The following KIAA1191 variants were observed in gnomAD, a reference collection of about 807,000 sequenced individuals.
KIAA1191 encodes the protein putative monooxygenase p33MONOX.
KIAA1191 carries 22 observed loss-of-function variants against 31.1 expected under a neutral mutation model. That is an observed-to-expected ratio of 0.71 (90% confidence interval 0.51 to 1.01). The LOEUF (loss-of-function observed/expected upper bound fraction) is 1.01. Among genes scored for constraint, KIAA1191 ranks in the 50% least tolerant of loss-of-function variants. KIAA1191 has a pLI of 0.00. For missense variants in KIAA1191, 319 were observed against 388.0 expected (o/e 0.82, Z 1.49); for synonymous variants, 130 against 143.9 (o/e 0.90, Z 0.69).
rs35401718 is a variant in KIAA1191, at chr5:176,348,312, C to A, written c.504G>T (p.Gln168His). Residue 168 changes from glutamine to histidine, a missense_variant, in exon 7 of 9, where the codon CAG becomes CAT. Coordinates refer to ENST00000298569, the MANE Select transcript of KIAA1191 (RefSeq NM_020444.5). ...TTGGGGTGGACTGGGCTGATGCAGG[C>A]TGCCTCTCTTCTTTTGTTACCTCTC... is the stretch of plus-strand genomic sequence containing the variant. ...QSGEVTKEER[Q>H]PASAQSTPST... The A allele has an allele frequency of 1.1e-5, 17 of 1,613,656 alleles. No individual in the cohort carries two copies. The highest frequency in any genetic ancestry group is 1.4e-5 in the Non-Finnish European group (17 of 1,179,982).
chr5:176,360,291 G>C (rs904395780), intron 1 of KIAA1191, among the ~76,000 whole-genome samples: 5 of 151,574 alleles, frequency 3.3e-5, no homozygotes, highest in African/African-American at 1.2e-4. Context: ...CAAGTAGCTG[G>C]GACTACAGGC....
chr5:176,359,311 T>TC (rs1236545951), intron 3 of KIAA1191, among the ~76,000 whole-genome samples, 170 bp downstream of exon 3: 3 of 151,966 alleles, frequency 2.0e-5, no homozygotes, highest in Non-Finnish European at 4.4e-5. Context: ...AGAGCAAGAC[T>TC]CCATCTCAAA....
At chr5:176,350,303 T>C (rs2113466151) in intron 6 of KIAA1191, among the ~76,000 whole-genome samples, 1 of 152,374 alleles carries the variant, frequency 6.6e-6, no homozygotes, top group Middle Eastern at 3.4e-3. Flanking sequence ...ACTTGTTCCT[T>C]TCCAGTTAAG....
intron 7 of KIAA1191, 64 bp from the exon 8 acceptor site, chr5:176,348,127 C>A: frequency 4.4e-6 from 7 of 1,603,464 alleles, no homozygotes; most frequent in Non-Finnish European, 6.0e-6. Context: ...AAATGTCTCA[C>A]ACCAAAAGAA....
intron 6 of KIAA1191, among the ~76,000 whole-genome samples, chr5:176,348,777 G>A (rs116783519): frequency 1.7e-4 from 26 of 152,040 alleles, no homozygotes; most frequent in African/African-American, 6.0e-4. Flanking sequence ...GTCTCTCCAA[G>A]CCAATACTCA....
chr5:176,348,492 T>A (rs1766716151), intron 6 of KIAA1191, 136 bp from the exon 7 acceptor site: 3 of 633,996 alleles, frequency 4.7e-6, no homozygotes, highest in Non-Finnish European at 8.3e-6. Context: ...TTTCGGATGA[T>A]CTAACAGGTA....
chr5:176,357,355 G>C (rs1440806141), intron 3 of KIAA1191: 1 of 151,952 alleles, frequency 6.6e-6, no homozygotes, highest in Non-Finnish European at 1.5e-5. Context: ...AGTGTTGTTT[G>C]CACAACCCTG....
Position 176,355,456 on chromosome 5 carries a change from T to C in KIAA1191, c.207+115A>G. The C allele has an allele frequency of 2.4e-6, 2 of 837,442 alleles. No homozygotes were observed. Among genetic ancestry groups the C allele is most frequent in the Non-Finnish European group, 3.8e-6 (2 of 523,384 alleles). The allele number at this position is 837,442 out of a possible 1,614,324, so 51.9% of individuals were successfully genotyped here. On this transcript the variant is annotated intron_variant, in intron 4 of 8. Coordinates refer to ENST00000298569, the MANE Select transcript of KIAA1191 (RefSeq NM_020444.5). The surrounding 1 kb of genome is among the most constrained non-coding windows in gnomAD (Gnocchi z 4.2). ...CTATAACTGAGGCACAGAAAACACA[T>C]ACAGGGAGTGGTTGCTGCCCAGTCC... is the stretch of plus-strand genomic sequence containing the variant.
intron 3 of KIAA1191, among the ~76,000 whole-genome samples, chr5:176,359,020 C>T: frequency 7.2e-6 from 1 of 138,306 alleles, no homozygotes; most frequent in East Asian, 2.2e-4. Context: ...GGAGGCGGAG[C>T]TTGCAGTGAG....
At chr5:176,360,153 ATTTTTTT>A (rs200839926) in intron 1 of KIAA1191, among the ~76,000 whole-genome samples, 1 of 123,078 alleles carries the variant, frequency 8.1e-6, no homozygotes, top group Non-Finnish European at 1.7e-5. Context: ...CCCAATCCCA[ATTTTTTT>A]TTTTTTTTTT....
chr5:176,351,707 G>T (rs1439248276), intron 5 of KIAA1191, among the ~76,000 whole-genome samples: 1 of 151,598 alleles, frequency 6.6e-6, no homozygotes, highest in African/African-American at 2.4e-5. Context: ...GTGGTGAGCT[G>T]AGACCACAGC....
chr5:176,348,195 A>C (rs935815713), intron 7 of KIAA1191, 55 bp downstream of exon 7: 17 of 1,599,512 alleles, frequency 1.1e-5, no homozygotes, highest in African/African-American at 1.3e-5. Flanking sequence ...CTCATCTGCC[A>C]CACTAGCTTT....
At position 176,348,342 on chromosome 5, in the gene KIAA1191, CTG is replaced by C. The variant is rs1766701686; in HGVS notation, c.472_473del (p.Gln158GlufsTer27). 1 of 1,613,354 alleles carries C rather than the reference CTG, an allele frequency of 6.2e-7. No homozygotes were observed. The highest frequency in any genetic ancestry group is 8.5e-7 in the Non-Finnish European group (1 of 1,179,746). On this transcript the variant is annotated frameshift_variant, in exon 7 of 9. Transcript: ENST00000298569. LOFTEE classifies it high-confidence loss of function. Reference sequence around the variant, plus strand: ...TCTCTTCTTTTGTTACCTCTCCACTCTGTAACTTTAGTTTCTGCTCAGATGGG... The same window carrying C: ...TCTCTTCTTTTGTTACCTCTCCACTCTAACTTTAGTTTCTGCTCAGATGGG... ...VAEALHKLKLQSGEVTKEERQ... is the reference protein window; with the variant it reads ...VAEALHKLKLXSGEVTKEERQ...
rs372679140 is a variant in KIAA1191, at chr5:176,347,656, G to A, written c.862C>T (p.Arg288Trp). ...TCACGGGGTTTGAGGTTATGGGCCCGTGGTGGCTGTTTCTTTCCTTCCATC... is the reference window on the plus strand; with the variant it reads ...TCACGGGGTTTGAGGTTATGGGCCCATGGTGGCTGTTTCTTTCCTTCCATC... ...PVMEGKKQPP[R>W]AHNLKPRDLN... The change falls in exon 9 of 9, where the codon CGG becomes TGG. Residue 288 changes from arginine to tryptophan, a missense_variant. By Grantham distance (101) the Arg-to-Trp change is moderately radical. Transcript: ENST00000298569. The A allele has an allele frequency of 2.6e-6, 4 of 1,567,350 alleles. No homozygotes were observed. The highest frequency in any genetic ancestry group is 1.4e-5 in the African/African-American group (1 of 73,138).
intron 5 of KIAA1191, among the ~76,000 whole-genome samples, chr5:176,351,357 T>C (rs1286477578): frequency 6.7e-6 from 1 of 149,828 alleles, no homozygotes; most frequent in African/African-American, 2.5e-5. Flanking sequence ...AAAAAAAAAG[T>C]TACATTGTGC....
chr5:176,356,279 A>G (rs1040694444), intron 3 of KIAA1191: 4 of 158,412 alleles, frequency 2.5e-5, no homozygotes, highest in Non-Finnish European at 5.5e-5. Context: ...CTGCAATACT[A>G]AGGCTCTCAG....
At chr5:176,351,156 C>A (rs553821102) in intron 5 of KIAA1191, among the ~76,000 whole-genome samples, 3 of 151,842 alleles carry the variant, frequency 2.0e-5, no homozygotes, top group Non-Finnish European at 4.4e-5. Context: ...TCCTGGCTAA[C>A]AAGGTGAAAC....
At position 176,347,975 on chromosome 5, in the gene KIAA1191, A is replaced by C; in HGVS notation, c.655T>G (p.Leu219Val). The stretch of plus-strand genomic sequence containing the variant: ...CCAAAGAGGCTCCACTTATCTGACA[A>C]GTTTCTGTCCTTATCCCCACTTCCA... ...DSGSGDKDRNLSDKWSLFGPR... is the reference protein window; with the variant it reads ...DSGSGDKDRNVSDKWSLFGPR... The change falls in exon 8 of 9, where the codon TTG (leucine) becomes GTG (valine). Residue 219 changes from leucine (L) to valine (V), a missense_variant. Leu to Val is a conservative substitution (Grantham distance 32). Coordinates refer to ENST00000298569, the MANE Select transcript of KIAA1191 (RefSeq NM_020444.5). The C allele has an allele frequency of 6.2e-7, 1 of 1,614,122 alleles. No homozygotes were observed. The highest frequency in any genetic ancestry group is 8.5e-7 in the Non-Finnish European group (1 of 1,180,022).
At chr5:176,352,531 G>A (rs535013392) in intron 5 of KIAA1191, 91 bp downstream of exon 5, 16 of 1,428,676 alleles carry the variant, frequency 1.1e-5, no homozygotes, top group African/African-American at 2.8e-5. Context: ...TAAGGCGAGC[G>A]TGTTGCAGTA....
Sources: allele counts gnomAD v4.1 joint callset (sites outside exome capture counted in the v4.1 genomes callset), GRCh38; gene constraint gnomAD v4.1.1; non-coding constraint Gnocchi (gnomAD v3.1); transcripts MANE v1.5; gene names NCBI Gene and HGNC (gene_info 2026-07-23, HGNC 2026-07-21).